The following SLC4A11 variants were observed in gnomAD, a reference collection of about 807,000 sequenced individuals.
SLC4A11 encodes solute carrier family 4 member 11, also known as bicarbonate transporter related protein 1.
A neutral mutation model predicts 95.0 loss-of-function variants in SLC4A11; 74 were observed. The ratio of observed to expected loss-of-function variants is 0.78; its 90% CI spans 0.65 to 0.95. The LOEUF is 0.95. SLC4A11 is among the 40% of genes least tolerant of loss of function. The probability of loss-of-function intolerance (pLI) is 0.00; values close to 1 mark genes in which losing one functional copy is unlikely to be tolerated. For synonymous variants in SLC4A11, 548 were observed against 519.0 expected (o/e 1.06, Z -0.76); for missense variants, 1,081 against 1,192.4 (o/e 0.91, Z 1.38).
At position 3,229,450 on chromosome 20, in the gene SLC4A11, G is replaced by C. The variant is rs1217751750; in HGVS notation, c.1745C>G (p.Pro582Arg). 2 of 1,613,218 alleles carry C rather than the reference G, an allele frequency of 1.2e-6. No homozygotes were observed. The highest frequency in any genetic ancestry group is 1.7e-6 in the Non-Finnish European group (2 of 1,180,006). The change falls in exon 15 of 20, where the codon CCC becomes CGC. Residue 582 changes from proline (P) to arginine (R), a missense_variant and splice_region_variant. Physicochemically the swap from Pro to Arg is moderately radical, Grantham distance 103 (BLOSUM62 -2). This residue lies in a region of SLC4A11 where 767 missense variants were observed against 858.0 expected (regional missense o/e 0.89). Transcript: ENST00000642402. ...GYTLYQFKKS[P>R]YLHPCVREIL... ...CTCTCGCACGCAGGGGTGCAGGTAGGGGCTGGGGACAGCAGGTGCATGAGC... is the reference window on the plus strand; with the variant it reads ...CTCTCGCACGCAGGGGTGCAGGTAGCGGCTGGGGACAGCAGGTGCATGAGC...
intron 2 of SLC4A11, among the ~76,000 whole-genome samples, chr20:3,235,350 C>T (rs1408855130): frequency 6.9e-6 from 1 of 145,878 alleles, no homozygotes; most frequent in East Asian, 2.1e-4. Context: ...CACACACACA[C>T]ACACGCTGCC....
At chr20:3,232,946 C>T (rs1201485282) in intron 7 of SLC4A11, among the ~76,000 whole-genome samples, 1 of 152,120 alleles carries the variant, frequency 6.6e-6, no homozygotes, top group Non-Finnish European at 1.5e-5. Flanking sequence ...GTGGAGGTTC[C>T]CGCCATGTCT....
In SLC4A11 at chr20:3,234,074, C is replaced by G. The variant is rs200962876; in HGVS notation, c.523+9G>C. Reference sequence around the variant, plus strand: ...AACGCCCCCGCCCGGGCCGGGAGACCGGCCTCACCTTTACCCCGCATGGGT... The same window carrying G: ...AACGCCCCCGCCCGGGCCGGGAGACGGGCCTCACCTTTACCCCGCATGGGT... On this transcript the variant is annotated intron_variant, in intron 5 of 19. Coordinates refer to ENST00000642402, the MANE Select transcript of SLC4A11 (RefSeq NM_001174089.2). This position sits in a 1 kb window ranked among gnomAD's most constrained non-coding sequence, Gnocchi z 5.8. The G allele has an allele frequency of 8.1e-6, 13 of 1,613,786 alleles. No homozygotes were observed. Among genetic ancestry groups the G allele is most frequent in the South Asian group, 3.3e-5 (3 of 91,084 alleles).
At position 3,239,162 on chromosome 20, in the gene SLC4A11, G is replaced by A. The variant is rs1294343796; in HGVS notation, c.-25C>T. On this transcript the variant is annotated 5_prime_UTR_variant, in exon 1 of 20. Coordinates refer to ENST00000642402, the MANE Select transcript of SLC4A11 (RefSeq NM_001174089.2). ...TGGCACACTCGCGCACTCACGGCCGGGCTCCTCACGCGGCGCTCCGGCGCT... is the reference window on the plus strand; with the variant it reads ...TGGCACACTCGCGCACTCACGGCCGAGCTCCTCACGCGGCGCTCCGGCGCT... The A allele has an allele frequency of 2.1e-6, 3 of 1,445,166 alleles. No homozygotes were observed. Among genetic ancestry groups the A allele is most frequent in the Non-Finnish European group, 2.7e-6 (3 of 1,100,418 alleles). The allele number at this position is 1,445,166 out of a possible 1,614,324, so 89.5% of individuals were successfully genotyped here.
chr20:3,234,632 C>T lies in SLC4A11; in HGVS notation c.242-15G>A, dbSNP rs750649962. Reference sequence around the variant, plus strand: ...CGCTTCATTCTCTGCCGGAGAAAAGCGGGGAGGGCTCAGGGTGCCACCCTC... The same window carrying T: ...CGCTTCATTCTCTGCCGGAGAAAAGTGGGGAGGGCTCAGGGTGCCACCCTC... On this transcript the variant is annotated splice_polypyrimidine_tract_variant and intron_variant, in intron 3 of 19. Coordinates refer to ENST00000642402, the MANE Select transcript of SLC4A11 (RefSeq NM_001174089.2). This position sits in a 1 kb window ranked among gnomAD's most constrained non-coding sequence, Gnocchi z 5.8. 7.1e-5 allele frequency: 114 copies of T among 1,613,860 alleles called. No homozygotes were observed. The highest frequency in any genetic ancestry group is 2.5e-4 in the Admixed American group (15 of 60,026).
chr20:3,233,712 G>C (rs904672677), intron 6 of SLC4A11, 75 bp from the exon 7 acceptor site: 1 of 1,597,574 alleles, frequency 6.3e-7, no homozygotes, highest in East Asian at 2.2e-5. Context: ...GAACCCCCTC[G>C]ACCTTGACCC....
In SLC4A11 at chr20:3,229,454, T is replaced by G; in HGVS notation, c.1743-2A>C. On this transcript the variant is annotated splice_acceptor_variant, in intron 14 of 19. Coordinates refer to ENST00000642402, the MANE Select transcript of SLC4A11 (RefSeq NM_001174089.2). LOFTEE classifies it high-confidence loss of function. ...CGCACGCAGGGGTGCAGGTAGGGGC[T>G]GGGGACAGCAGGTGCATGAGCACAG... 6.2e-7 allele frequency: 1 copy of G among 1,613,128 alleles called. No homozygotes were observed. Among genetic ancestry groups the G allele is most frequent in the Non-Finnish European group, 8.5e-7 (1 of 1,179,984 alleles).
Position 3,234,419 on chromosome 20 carries a change from C to T in SLC4A11, c.292-105G>A. ...CCGCAGCAGTCCAGCCCCCAGCCCC[C>T]AGCCCCCAGCCCTGGGCTGGTGCGA... On this transcript the variant is annotated intron_variant, in intron 4 of 19. Coordinates refer to ENST00000642402, the MANE Select transcript of SLC4A11 (RefSeq NM_001174089.2). The surrounding 1 kb of genome is among the most constrained non-coding windows in gnomAD (Gnocchi z 5.8). The T allele has an allele frequency of 1.3e-6, 2 of 1,503,056 alleles. No homozygotes were observed. The highest frequency in any genetic ancestry group is 9.2e-7 in the Non-Finnish European group (1 of 1,087,136). 93.1% of individuals were successfully genotyped at this position (1,503,056 alleles called of 1,614,324 possible). A position where few individuals can be genotyped will look rare whatever the true frequency, so the allele number is the denominator to read the frequency against.
chr20:3,239,210 T>C, upstream of SLC4A11: 1 of 1,335,088 alleles, frequency 7.5e-7, no homozygotes, highest in Non-Finnish European at 9.6e-7. Context: ...ACTCGGCGAC[T>C]CGGGCGGGCC....
rs753243382 is a variant in SLC4A11, at chr20:3,234,732, G to A, written c.241+10C>T. 38 of 1,613,824 alleles carry A rather than the reference G, an allele frequency of 2.4e-5. No individual in the cohort carries two copies. The highest frequency in any genetic ancestry group is 3.1e-5 in the Non-Finnish European group (37 of 1,180,010). On this transcript the variant is annotated intron_variant, in intron 3 of 19. Coordinates refer to ENST00000642402, the MANE Select transcript of SLC4A11 (RefSeq NM_001174089.2). The surrounding 1 kb of genome is among the most constrained non-coding windows in gnomAD (Gnocchi z 5.8). ...CTTCCCCCAGTCTGCCCCTGCTGCA[G>A]CCCCCATACCAGTGTTGGTGGCCTG...
rs899552076 is a variant in SLC4A11, at chr20:3,228,405, G to A, written c.2412C>T (p.Tyr804=). Residue 804 remains tyrosine, a synonymous_variant, in exon 19 of 20, where the codon TAC becomes TAT. Transcript: ENST00000642402. ...TCTTCCTCTGGGGCACCCTCCGGAT[G>A]TAGTGTGTCGGGGGGTACGCAGTCT... The part of the protein sequence containing the change: ...KEQTAYPPTH[Y]IRRVPQRKIH... The A allele has an allele frequency of 1.3e-5, 21 of 1,613,224 alleles. No individual in the cohort carries two copies. Among genetic ancestry groups the A allele is most frequent in the Non-Finnish European group, 1.7e-5 (20 of 1,179,994 alleles).
chr20:3,234,383 C>G lies in SLC4A11; in HGVS notation c.292-69G>C. 1 of 1,543,424 alleles carries G rather than the reference C, an allele frequency of 6.5e-7. No homozygotes were observed. Among genetic ancestry groups the G allele is most frequent in the East Asian group, 2.3e-5 (1 of 43,992 alleles). On this transcript the variant is annotated intron_variant, in intron 4 of 19. Coordinates refer to ENST00000642402, the MANE Select transcript of SLC4A11 (RefSeq NM_001174089.2). The surrounding 1 kb of genome is among the most constrained non-coding windows in gnomAD (Gnocchi z 5.8). ...GATGCTGTCACTGCCTGGTCCCTCC[C>G]TCCCAGCCAGCCGCAGCAGTCCAGC...
In SLC4A11 at chr20:3,239,117, G is replaced by C; in HGVS notation, c.21C>G (p.Arg7=). 1 of 1,476,786 alleles carries C rather than the reference G, an allele frequency of 6.8e-7. No individual in the cohort carries two copies. The highest frequency in any genetic ancestry group is 8.9e-7 in the Non-Finnish European group (1 of 1,118,498). 91.5% of individuals were successfully genotyped at this position (1,476,786 alleles called of 1,614,324 possible). A position where few individuals can be genotyped will look rare whatever the true frequency, so the allele number is the denominator to read the frequency against. MAAATR[R]VFHLQPCENS... is the part of the protein sequence containing the mutation. Reference sequence around the variant, plus strand: ...CACCGCACGGCTGCAGATGGAACACGCGCCTGGTGGCCGCGGCCATGGCAC... The same window carrying C: ...CACCGCACGGCTGCAGATGGAACACCCGCCTGGTGGCCGCGGCCATGGCAC... Residue 7 remains arginine (R), a synonymous_variant, in exon 1 of 20, where the codon CGC becomes CGG. Coordinates refer to ENST00000642402, the MANE Select transcript of SLC4A11 (RefSeq NM_001174089.2).
intron 2 of SLC4A11, among the ~76,000 whole-genome samples, chr20:3,235,826 G>A (rs1011552755): frequency 4.6e-5 from 7 of 151,978 alleles, no homozygotes; most frequent in East Asian, 3.9e-4. Context: ...CAGGCCATCC[G>A]GTCAGCACCC....
chr20:3,229,422 G>A lies in SLC4A11; in HGVS notation c.1773C>T (p.Ile591=), dbSNP rs779872421. ...SPYLHPCVRE[I]LSDCALPIAV... The stretch of plus-strand genomic sequence containing the variant: ...CGATGGGCAGGGCGCAGTCGGACAG[G>A]ATCTCTCGCACGCAGGGGTGCAGGT... Residue 591 remains isoleucine (I), a synonymous_variant, in exon 15 of 20, where the codon ATC becomes ATT. Coordinates refer to ENST00000642402, the MANE Select transcript of SLC4A11 (RefSeq NM_001174089.2). 1.9e-6 allele frequency: 3 copies of A among 1,613,330 alleles called. No individual in the cohort carries two copies. Among genetic ancestry groups the A allele is most frequent in the Non-Finnish European group, 2.5e-6 (3 of 1,180,012 alleles).
chr20:3,232,583 G>C (rs1251235463), intron 7 of SLC4A11, among the ~76,000 whole-genome samples: 2 of 152,160 alleles, frequency 1.3e-5, no homozygotes, highest in African/African-American at 4.8e-5. Context: ...GGTGGTGGCG[G>C]GTGCCTGTAG....
intron 1 of SLC4A11, 37 bp downstream of exon 1, chr20:3,239,058 C>T: frequency 6.8e-7 from 1 of 1,470,038 alleles, no homozygotes; most frequent in South Asian, 1.3e-5. Context: ...GAGACCCGGG[C>T]GGCCTTCCCG....
intron 12 of SLC4A11, 69 bp downstream of exon 12, chr20:3,230,446 G>A: frequency 6.2e-7 from 1 of 1,610,062 alleles, no homozygotes; most frequent in Non-Finnish European, 8.5e-7. Flanking sequence ...CCACCACCCT[G>A]GGGTTACAGG....
At chr20:3,229,065 G>GC in intron 16 of SLC4A11, 30 bp downstream of exon 16, 5 of 214,414 alleles carry the variant, frequency 2.3e-5, no homozygotes, top group African/African-American at 9.3e-5. Flanking sequence ...CCCGGGCCCC[G>GC]CCCACCCCAC....
Sources: gnomAD v4.1 joint callset for allele counts (sites outside exome capture counted in the v4.1 genomes callset) on GRCh38, gnomAD v4.1.1 for gene constraint, gnomAD v4.1.1 regional missense constraint, Gnocchi (gnomAD v3.1) non-coding constraint, MANE v1.5 for transcripts, NCBI Gene and HGNC (gene_info 2026-07-23, HGNC 2026-07-21) for gene names.